The following XPO7 variants were observed in gnomAD, a reference collection of about 807,000 sequenced individuals.
XPO7 encodes exportin-7.
In XPO7, 21 loss-of-function variants were observed where a neutral mutation model predicts 144.3. The ratio of observed to expected loss-of-function variants is 0.15; its 90% confidence interval spans 0.10 to 0.21. The LOEUF (loss-of-function observed/expected upper bound fraction) is 0.21, where lower values mean the gene tolerates loss of function less well. Ranked by LOEUF, XPO7 falls within the 10% of genes least tolerant of loss-of-function variation. XPO7 has a pLI of 1.00. For synonymous variants in XPO7, 580 were observed against 499.6 expected (o/e 1.16, Z -2.15); for missense variants, 808 against 1,325.8 (o/e 0.61, Z 6.06).
chr8:21,944,621 A>G (rs1421910674), intron 1 of XPO7, among the ~76,000 whole-genome samples: 4 of 152,162 alleles, frequency 2.6e-5, no homozygotes, highest in Non-Finnish European at 4.4e-5. Flanking sequence ...TAATTTTTTT[A>G]GTATTTATTG....
chr8:22,003,150 G>T, intron 25 of XPO7, 69 bp from the exon 26 acceptor site: 1 of 1,243,956 alleles, frequency 8.0e-7, no homozygotes, highest in Non-Finnish European at 1.1e-6. Context: ...CCTGTATTTG[G>T]AATCTGTCGT....
At chr8:21,996,419 A>G (rs1401697135) in intron 21 of XPO7, among the ~76,000 whole-genome samples, 2 of 152,166 alleles carry the variant, frequency 1.3e-5, no homozygotes, top group African/African-American at 4.8e-5. Context: ...TGTCTCAAAA[A>G]AGTAAAATAA....
chr8:21,949,184 A>G (rs1811289190), intron 1 of XPO7, among the ~76,000 whole-genome samples: 1 of 152,228 alleles, frequency 6.6e-6, no homozygotes, highest in Non-Finnish European at 1.5e-5. Flanking sequence ...TAGTTCCAGA[A>G]ATTAACATTA....
At chr8:21,945,365 A>AT (rs1447740088) in intron 1 of XPO7, among the ~76,000 whole-genome samples, 1 of 152,240 alleles carries the variant, frequency 6.6e-6, no homozygotes, top group African/African-American at 2.4e-5. Flanking sequence ...GAGGGGGTAG[A>AT]TTATTTGATA....
At chr8:21,974,133 G>A (rs1812151592) in intron 5 of XPO7, among the ~76,000 whole-genome samples, 1 of 152,156 alleles carries the variant, frequency 6.6e-6, no homozygotes, top group Non-Finnish European at 1.5e-5. Context: ...GAATGCCTGG[G>A]CTCCAGGCCC....
chr8:21,997,650 CATTT>C (rs1812997124), intron 21 of XPO7, among the ~76,000 whole-genome samples: 1 of 152,092 alleles, frequency 6.6e-6, no homozygotes, highest in Non-Finnish European at 1.5e-5. Context: ...GAGGAGTGGG[CATTT>C]ATTCTCATTG....
intron 24 of XPO7, among the ~76,000 whole-genome samples, chr8:22,000,735 G>C (rs969006648): frequency 1.3e-5 from 2 of 152,128 alleles, no homozygotes; most frequent in African/African-American, 4.8e-5. Context: ...TTACAGGCAT[G>C]AGCCACCGTG....
At chr8:22,000,436 T>C (rs905097358) in intron 24 of XPO7, among the ~76,000 whole-genome samples, 19 of 150,786 alleles carry the variant, frequency 1.3e-4, no homozygotes, top group Non-Finnish European at 2.9e-5. Flanking sequence ...ATTTTGTTTC[T>C]AGGCTACCTT....
At chr8:21,936,192 T>C (rs1810816681) in intron 1 of XPO7, among the ~76,000 whole-genome samples, 1 of 152,174 alleles carries the variant, frequency 6.6e-6, no homozygotes, top group African/African-American at 2.4e-5. Flanking sequence ...CAGGGTTTCA[T>C]TGTGGCATGT....
At chr8:21,939,160 C>G (rs996132297) in intron 1 of XPO7, among the ~76,000 whole-genome samples, 1 of 150,906 alleles carries the variant, frequency 6.6e-6, no homozygotes, top group Non-Finnish European at 1.5e-5. Context: ...TAGGTGTACG[C>G]TTTGCCTATG....
chr8:21,970,775 C>T (rs1302831943), intron 4 of XPO7, among the ~76,000 whole-genome samples: 2 of 152,050 alleles, frequency 1.3e-5, no homozygotes, highest in Non-Finnish European at 2.9e-5. Flanking sequence ...ACATATACAA[C>T]AGCAGTCCCG....
At chr8:21,999,449 A>G (rs1813065228) in intron 23 of XPO7, 87 bp from the exon 24 acceptor site, 6 of 1,585,014 alleles carry the variant, frequency 3.8e-6, no homozygotes, top group Non-Finnish European at 4.3e-6. Flanking sequence ...TTCCCACCTA[A>G]AAGGAGCTAA....
intron 1 of XPO7, among the ~76,000 whole-genome samples, chr8:21,952,085 A>G (rs952320662): frequency 5.9e-5 from 9 of 152,180 alleles, no homozygotes; most frequent in African/African-American, 2.2e-4. Flanking sequence ...TCCTTTGTGA[A>G]ACTTTGGCTC....
intron 27 of XPO7, 37 bp from the exon 28 acceptor site, chr8:22,004,958 A>G (rs777399399): frequency 4.4e-6 from 2 of 450,152 alleles, no homozygotes; most frequent in Non-Finnish European, 7.1e-6. Context: ...TTTCCCCCCC[A>G]CTCTCCTCCC....
chr8:21,932,829 T>C (rs1810697406), intron 1 of XPO7, among the ~76,000 whole-genome samples: 2 of 152,232 alleles, frequency 1.3e-5, no homozygotes, highest in South Asian at 4.1e-4. Context: ...ACCTGTGATA[T>C]AGAGGTGTAT....
chr8:21,972,745 A>G (rs921028131), intron 5 of XPO7, among the ~76,000 whole-genome samples: 2 of 152,162 alleles, frequency 1.3e-5, no homozygotes, highest in Admixed American at 1.3e-4. Context: ...CTCACCCTTA[A>G]GTTGGAAGCA....
At chr8:21,956,380 A>G (rs1175388949) in intron 1 of XPO7, among the ~76,000 whole-genome samples, 1 of 152,172 alleles carries the variant, frequency 6.6e-6, no homozygotes, top group African/African-American at 2.4e-5. Flanking sequence ...GAGGTTTCCC[A>G]GTGGTGTGCC....
intron 1 of XPO7, among the ~76,000 whole-genome samples, chr8:21,962,071 C>T (rs1811742818): frequency 6.6e-6 from 1 of 152,170 alleles, no homozygotes; most frequent in Non-Finnish European, 1.5e-5. Context: ...TTGGCTTATT[C>T]TCTTGTAAAT....
At chr8:21,929,233 G>A (rs566568933) in intron 1 of XPO7, among the ~76,000 whole-genome samples, 4 of 152,310 alleles carry the variant, frequency 2.6e-5, no homozygotes, top group South Asian at 4.1e-4. Flanking sequence ...TAAACTTGCC[G>A]CTGAACCAAA....
Sources: allele counts gnomAD v4.1 joint callset (sites outside exome capture counted in the v4.1 genomes callset), GRCh38; gene constraint gnomAD v4.1.1; transcripts MANE v1.5; gene names NCBI Gene and HGNC (gene_info 2026-07-23, HGNC 2026-07-21).